Variants in USH2A observed in about 807,000 individuals in gnomAD.
USH2A encodes the protein Usher syndrome 2A (autosomal recessive, mild).
Under a neutral mutation model 538.9 loss-of-function variants are expected in USH2A, and 443 were observed. That is an observed-to-expected ratio of 0.82 (90% CI 0.76 to 0.89). The LOEUF (loss-of-function observed/expected upper bound fraction) is 0.89. Among genes scored for constraint, USH2A ranks in the 40% least tolerant of loss-of-function variants. The probability of loss-of-function intolerance (pLI) is 0.00; values close to 1 mark genes in which losing one functional copy is unlikely to be tolerated. For missense variants in USH2A, 6,633 were observed against 6,324.8 expected (o/e 1.05, Z -1.65); for synonymous variants, 2,413 against 2,273.5 (o/e 1.06, Z -1.75).
chr1:216,145,255 T>C (rs537710840), intron 21 of USH2A, among the ~76,000 whole-genome samples: 2 of 152,336 alleles, frequency 1.3e-5, no homozygotes, highest in Admixed American at 1.3e-4. Context: ...CAGTTCTGCA[T>C]GGAGCAGGCT....
intron 35 of USH2A, among the ~76,000 whole-genome samples, chr1:215,976,819 T>A (rs184144685): frequency 3.2e-4 from 49 of 152,246 alleles, no homozygotes; most frequent in Admixed American, 1.4e-3. Flanking sequence ...GTTTCCTTTT[T>A]TAGTTGTGTC....
intron 48 of USH2A, among the ~76,000 whole-genome samples, chr1:215,816,517 GTTGT>G (rs1662861643): frequency 1.3e-5 from 2 of 151,932 alleles, no homozygotes; most frequent in African/African-American, 2.4e-5. Context: ...AGGATTTTGT[GTTGT>G]TTGTCAATAA....
In USH2A at chr1:215,747,937, T is replaced by C. The variant is rs1660522824; in HGVS notation, c.11390-4602A>G. 2.7e-5 allele frequency among the ~76,000 whole-genome samples: 4 copies of C among 150,582 alleles called. No individual in the cohort carries two copies. The South Asian group carries it at 8.4e-4, about 32-fold the overall frequency. On this transcript the variant is annotated intron_variant, in intron 58 of 71. Transcript: ENST00000307340. Reference sequence around the variant, plus strand: ...TCTCGCTCTGTCGCCCAGGCCGGACTGCGGACTGCAGTGGCGCAATCTCGG... The same window carrying C: ...TCTCGCTCTGTCGCCCAGGCCGGACCGCGGACTGCAGTGGCGCAATCTCGG...
intron 71 of USH2A, among the ~76,000 whole-genome samples, chr1:215,627,503 T>TC (rs1246756918): frequency 6.8e-6 from 1 of 147,282 alleles, no homozygotes; most frequent in Non-Finnish European, 1.5e-5. Flanking sequence ...CTTCCTTCCT[T>TC]CTTTCCTTCC....
rs1233675696 is a variant in USH2A at position 215,676,608 on chromosome 1, T to C, written c.12295-992A>G. Reference sequence around the variant, plus strand: ...TAAATTGTTAACATACTCCATTTTTTCCCTAAGATTACACAGCCTAGAAGT... The same window carrying C: ...TAAATTGTTAACATACTCCATTTTTCCCCTAAGATTACACAGCCTAGAAGT... On this transcript the variant is annotated intron_variant, in intron 62 of 71. Transcript: ENST00000307340. Among the ~76,000 whole-genome samples the C allele has an allele frequency of 3.9e-5, 6 of 152,162 alleles. No homozygotes were observed. In the East Asian group the frequency reaches 7.7e-4, roughly 20 times the overall value.
At chr1:216,222,011 C>T (rs2035465324) in intron 14 of USH2A, among the ~76,000 whole-genome samples, 1 of 152,030 alleles carries the variant, frequency 6.6e-6, no homozygotes, top group Non-Finnish European at 1.5e-5. Flanking sequence ...CTTTTAGTTC[C>T]ATGTTTTGGA....
rs147983361 is a variant in USH2A, at chr1:215,827,467, A to G, written c.9372-10272T>C. On this transcript the variant is annotated intron_variant, in intron 47 of 71. Coordinates refer to ENST00000307340, the MANE Select transcript of USH2A (RefSeq NM_206933.4). The stretch of plus-strand genomic sequence containing the variant: ...AAATGAAAATAGTGATAGCAGAGCC[A>G]TAATAATAAGCCCAATATTCTCTTT... Among the ~76,000 whole-genome samples, 215 of 152,322 alleles carry G rather than the reference A, an allele frequency of 1.4e-3. 1 individual carries two copies. Among genetic ancestry groups the G allele is most frequent in the Non-Finnish European group, 2.2e-3 (150 of 68,028 alleles).
chr1:216,243,485 C>A (rs557903609), intron 13 of USH2A, among the ~76,000 whole-genome samples: 1 of 152,084 alleles, frequency 6.6e-6, no homozygotes, highest in South Asian at 2.1e-4. Context: ...AAATATATAC[C>A]TTGATATTCA....
At chr1:216,210,106 G>A (rs1263871508) in intron 15 of USH2A, among the ~76,000 whole-genome samples, 1 of 152,024 alleles carries the variant, frequency 6.6e-6, no homozygotes, top group Admixed American at 6.6e-5. Flanking sequence ...AGAAGACTCT[G>A]AATAGGCAGC....
chr1:216,331,514 A>T (rs1185599801), intron 4 of USH2A, among the ~76,000 whole-genome samples: 1 of 152,104 alleles, frequency 6.6e-6, no homozygotes, highest in Non-Finnish European at 1.5e-5. Flanking sequence ...GTAAAAACAG[A>T]TAATAAGGCT....
At position 215,952,357 on chromosome 1, in the gene USH2A, C is replaced by G. The variant is rs1666942817; in HGVS notation, c.7120+12960G>C. ...CAATTTGCCAGTCTGTGTCTTTTAA[C>G]TGGAGCATTTAGCCCATTTACATTT... On this transcript the variant is annotated intron_variant, in intron 37 of 71. Transcript: ENST00000307340. Among the ~76,000 whole-genome samples the G allele has an allele frequency of 1.3e-5, 2 of 152,298 alleles. 1 individual carries two copies. The highest frequency in any genetic ancestry group is 4.1e-4 in the South Asian group (2 of 4,832).
chr1:215,675,446 T>C lies in USH2A; in HGVS notation c.12465A>G (p.Pro4155=), dbSNP rs2102666904. Reference sequence around the variant, plus strand: ...GGACAGTAGGAGCCAGCTGAGAGTCTGGAGGGGCTTCATCTGTCCACAGAG... The same window carrying C: ...GGACAGTAGGAGCCAGCTGAGAGTCCGGAGGGGCTTCATCTGTCCACAGAG... ...PQPLWTDEAP[P]DSQLAPTVHS... Residue 4155 remains proline (P), a synonymous_variant, in exon 63 of 72, where the codon CCA becomes CCG. Transcript: ENST00000307340. The C allele has an allele frequency of 2.5e-6, 4 of 1,614,018 alleles. No individual in the cohort carries two copies. The highest frequency in any genetic ancestry group is 3.4e-6 in the Non-Finnish European group (4 of 1,179,894).
chr1:216,151,635 C>T (rs1459252263), intron 21 of USH2A, among the ~76,000 whole-genome samples: 2 of 152,162 alleles, frequency 1.3e-5, no homozygotes, highest in East Asian at 3.9e-4. Context: ...CCCAAGTTGA[C>T]TCTTTAGCTG....
intron 50 of USH2A, among the ~76,000 whole-genome samples, chr1:215,795,741 G>A (rs1169031826): frequency 6.6e-6 from 1 of 152,124 alleles, no homozygotes; most frequent in Non-Finnish European, 1.5e-5. Flanking sequence ...CAACTGGTTA[G>A]TCATAGTACA....
chr1:216,253,153 T>C (rs1440906525), intron 11 of USH2A, among the ~76,000 whole-genome samples: 2 of 138,630 alleles, frequency 1.4e-5, no homozygotes, highest in South Asian at 2.3e-4. Flanking sequence ...TATTTTTTCT[T>C]TTTTTTTTTT....
intron 60 of USH2A, among the ~76,000 whole-genome samples, chr1:215,740,493 G>T (rs1394777403): frequency 6.6e-6 from 1 of 152,038 alleles, no homozygotes; most frequent in Non-Finnish European, 1.5e-5. Flanking sequence ...GGAACAAGTT[G>T]CTATAACACC....
At chr1:216,394,149 G>A (rs1346471637) in intron 3 of USH2A, among the ~76,000 whole-genome samples, 3 of 152,044 alleles carry the variant, frequency 2.0e-5, no homozygotes, top group East Asian at 3.9e-4. Flanking sequence ...CAGAAGAAGA[G>A]CTAAATAAAT....
intron 52 of USH2A, among the ~76,000 whole-genome samples, chr1:215,783,367 T>C (rs1661704072): frequency 6.6e-6 from 1 of 152,200 alleles, no homozygotes; most frequent in Non-Finnish European, 1.5e-5. Flanking sequence ...TAAAAAATTT[T>C]AAATCATATG....
At position 215,879,061 on chromosome 1, in the gene USH2A, A is replaced by G. The variant is rs1664845307; in HGVS notation, c.8261T>C (p.Ile2754Thr). The G allele has an allele frequency of 1.9e-6, 3 of 1,613,908 alleles. No homozygotes were observed. Among genetic ancestry groups the G allele is most frequent in the South Asian group, 1.1e-5 (1 of 91,090 alleles). ...WKPPLIQNGD[I>T]LSYEIHMPDP... ...AGGCATGTGAATCTCATAGCTAAGT[A>G]TGTCTCCGTTCTGGATGAGTGGGGG... Residue 2754 changes from isoleucine to threonine, a missense_variant, in exon 42 of 72, where the codon ATA (isoleucine) becomes ACA (threonine). Ile to Thr is a moderately conservative substitution (Grantham distance 89). Transcript: ENST00000307340.
Sources: allele counts gnomAD v4.1 joint callset (sites outside exome capture counted in the v4.1 genomes callset), GRCh38; gene constraint gnomAD v4.1.1; transcripts MANE v1.5; gene names NCBI Gene and HGNC (gene_info 2026-07-23, HGNC 2026-07-21).